Variants in TMEM163 observed in about 807,000 individuals in gnomAD.
The protein encoded by TMEM163 is transmembrane protein 163.
In TMEM163, 17 loss-of-function variants were observed where a neutral mutation model predicts 29.3. The ratio of observed to expected loss-of-function variants is 0.58; its 90% CI spans 0.40 to 0.87. The LOEUF (loss-of-function observed/expected upper bound fraction) is 0.87. Ranked by LOEUF, TMEM163 falls within the 40% of genes least tolerant of loss-of-function variation. The pLI is 0.00. For synonymous variants in TMEM163, 157 were observed against 160.6 expected, an observed-to-expected ratio of 0.98 and a Z score of 0.17; for missense variants, 303 against 381.5, an observed-to-expected ratio of 0.79 and a Z score of 1.71.
chr2:134,549,633 C>A (rs1680867773), intron 4 of TMEM163, among the ~76,000 whole-genome samples: 2 of 152,130 alleles, frequency 1.3e-5, no homozygotes. Flanking sequence ...TGTGAGCCAC[C>A]ACACCCAGCC....
intron 4 of TMEM163, among the ~76,000 whole-genome samples, chr2:134,503,379 C>T (rs1679744088): frequency 6.6e-6 from 1 of 152,224 alleles, no homozygotes; most frequent in Non-Finnish European, 1.5e-5. Context: ...TGGCATGAGA[C>T]ATGCCAAGCT....
At chr2:134,520,401 C>G (rs745351405) in intron 4 of TMEM163, among the ~76,000 whole-genome samples, 2 of 152,214 alleles carry the variant, frequency 1.3e-5, no homozygotes, top group Non-Finnish European at 2.9e-5. Context: ...TCCCCGGAAC[C>G]TGTGTCTGGC....
At chr2:134,713,670 C>G in intron 1 of TMEM163, 1 of 472,720 alleles carries the variant, frequency 2.1e-6, no homozygotes, top group South Asian at 1.5e-5. Flanking sequence ...GCTGTTCCTG[C>G]CCACAAGACC....
intron 5 of TMEM163, chr2:134,466,687 C>A (rs1183721945): frequency 1.9e-5 from 3 of 158,980 alleles, no homozygotes; most frequent in Non-Finnish European, 4.1e-5. Flanking sequence ...CAGTTAGGGC[C>A]AGAGCTACTT....
chr2:134,554,422 CAAAAAA>C (rs941286100), intron 2 of TMEM163, among the ~76,000 whole-genome samples: 17 of 21,148 alleles, frequency 8.0e-4, no homozygotes, highest in East Asian at 1.4e-3. Flanking sequence ...GACCCCATCT[CAAAAAA>C]AAAAAAAAAA....
intron 2 of TMEM163, among the ~76,000 whole-genome samples, chr2:134,608,978 G>T (rs545401603): frequency 8.8e-5 from 7 of 79,418 alleles, no homozygotes; most frequent in African/African-American, 5.1e-4. Flanking sequence ...GACAGACCCC[G>T]AGAACTGTAC....
At chr2:134,579,727 G>A (rs1302909239) in intron 2 of TMEM163, among the ~76,000 whole-genome samples, 1 of 152,068 alleles carries the variant, frequency 6.6e-6, no homozygotes, top group African/African-American at 2.4e-5. Flanking sequence ...ATAAAGACAG[G>A]GCAGATTGTT....
intron 4 of TMEM163, among the ~76,000 whole-genome samples, chr2:134,504,996 G>A (rs1679788294): frequency 6.6e-6 from 1 of 152,164 alleles, no homozygotes; most frequent in South Asian, 2.1e-4. Flanking sequence ...AGCTGTGCCA[G>A]GGACCTGGAG....
At chr2:134,507,154 C>T (rs879284449) in intron 4 of TMEM163, among the ~76,000 whole-genome samples, 39 of 152,072 alleles carry the variant, frequency 2.6e-4, no homozygotes, top group African/African-American at 9.2e-4. Flanking sequence ...CTGCCCAACA[C>T]GGACAAACCC....
intron 4 of TMEM163, among the ~76,000 whole-genome samples, chr2:134,532,548 T>C (rs1439834967): frequency 1.3e-5 from 2 of 152,254 alleles, no homozygotes; most frequent in African/African-American, 4.8e-5. Flanking sequence ...ATGTATTTTA[T>C]CCTGAACATG....
At chr2:134,675,223 A>G (rs1308129532) in intron 2 of TMEM163, among the ~76,000 whole-genome samples, 1 of 152,226 alleles carries the variant, frequency 6.6e-6, no homozygotes, top group Non-Finnish European at 1.5e-5. Flanking sequence ...CATTTTGATC[A>G]TTACAGAAGG....
intron 5 of TMEM163, among the ~76,000 whole-genome samples, chr2:134,488,422 G>A (rs770179889): frequency 5.9e-5 from 9 of 152,292 alleles, no homozygotes; most frequent in African/African-American, 9.6e-5. Context: ...TCTTTCTCCC[G>A]TGCTGGGTGC....
chr2:134,692,514 A>G (rs1684491852), intron 2 of TMEM163, among the ~76,000 whole-genome samples: 1 of 152,086 alleles, frequency 6.6e-6, no homozygotes, highest in Non-Finnish European at 1.5e-5. Flanking sequence ...CTTCAACACC[A>G]TGAATTTATT....
At chr2:134,650,633 G>T (rs373712132) in intron 2 of TMEM163, among the ~76,000 whole-genome samples, 1 of 143,650 alleles carries the variant, frequency 7.0e-6, no homozygotes, top group Non-Finnish European at 1.5e-5. Context: ...ATGCTGGTGC[G>T]CTGCACCCAC....
At chr2:134,609,942 G>T (rs953869133) in intron 2 of TMEM163, among the ~76,000 whole-genome samples, 32 of 152,248 alleles carry the variant, frequency 2.1e-4, no homozygotes, top group African/African-American at 7.5e-4. Flanking sequence ...GCTGAGGAAA[G>T]GTTTTACGAG....
chr2:134,624,417 C>T (rs942543246), intron 2 of TMEM163, among the ~76,000 whole-genome samples: 1 of 152,166 alleles, frequency 6.6e-6, no homozygotes, highest in South Asian at 2.1e-4. Flanking sequence ...GATGAGAACA[C>T]GTGGACACGA....
intron 4 of TMEM163, among the ~76,000 whole-genome samples, chr2:134,522,150 C>T (rs1680203503): frequency 6.6e-6 from 1 of 152,036 alleles, no homozygotes; most frequent in East Asian, 1.9e-4. Flanking sequence ...TCTTTATAAG[C>T]TCCACTGATG....
intron 2 of TMEM163, among the ~76,000 whole-genome samples, chr2:134,591,157 A>G (rs1259159792): frequency 6.6e-6 from 1 of 152,190 alleles, no homozygotes; most frequent in East Asian, 1.9e-4. Context: ...TTTGCATTCA[A>G]CTGTAAAAGT....
chr2:134,505,244 T>C (rs1349519811), intron 4 of TMEM163, among the ~76,000 whole-genome samples: 19 of 151,206 alleles, frequency 1.3e-4, no homozygotes, highest in Non-Finnish European at 2.2e-4. Flanking sequence ...AATTCCTTTT[T>C]TTTTTTTTTT....
Sources: allele counts gnomAD v4.1 joint callset (sites outside exome capture counted in the v4.1 genomes callset), GRCh38; gene constraint gnomAD v4.1.1; transcripts MANE v1.5; gene names NCBI Gene and HGNC (gene_info 2026-07-23, HGNC 2026-07-21).